The following TAF3 variants were observed in gnomAD, a reference collection of about 807,000 sequenced individuals.
TAF3 encodes transcription initiation factor TFIID subunit 3.
Under a neutral mutation model 80.6 loss-of-function variants are expected in TAF3, and 7 were observed. The observed-to-expected ratio is 0.09, with a 90% CI of 0.05 to 0.16. The LOEUF is 0.16. TAF3 is among the 10% of genes least tolerant of loss of function. The pLI, the probability that TAF3 is intolerant of heterozygous loss-of-function variation, is 1.00. For synonymous variants in TAF3, 444 were observed against 446.1 expected (o/e 1.00, Z 0.06); for missense variants, 921 against 1,140.2 (o/e 0.81, Z 2.77).
At position 8,015,910 on chromosome 10, in the gene TAF3, T is replaced by A. The variant is rs1832099885; in HGVS notation, c.*1159T>A. 6.6e-6 allele frequency: 1 copy of A among 151,974 alleles called. No homozygotes were observed. The highest frequency in any genetic ancestry group is 2.4e-5 in the African/African-American group (1 of 41,418). The allele number at this position is 151,974 out of a possible 1,614,324, so 9.4% of individuals were successfully genotyped here. ...TATACTGTAGCATTTTGTCTTTATA[T>A]TGTTTTATTTCTACAAATCTGTTCA... is the stretch of plus-strand genomic sequence containing the variant. On this transcript the variant is annotated 3_prime_UTR_variant, in exon 7 of 7. Coordinates refer to ENST00000344293, the MANE Select transcript of TAF3 (RefSeq NM_031923.4).
intron 4 of TAF3, among the ~76,000 whole-genome samples, chr10:7,983,416 C>A (rs1831745738): frequency 6.6e-6 from 1 of 152,146 alleles, no homozygotes; most frequent in Admixed American, 6.6e-5. Context: ...CCTGGGGAGG[C>A]AGGGCAAAGA....
intron 4 of TAF3, among the ~76,000 whole-genome samples, chr10:7,984,499 A>G (rs964711186): frequency 6.6e-6 from 1 of 152,200 alleles, no homozygotes; most frequent in Non-Finnish European, 1.5e-5. Context: ...TGTTCTTTAA[A>G]TGAATAAAAG....
At position 7,883,036 on chromosome 10, in the gene TAF3, A is replaced by T. The variant is rs553355388; in HGVS notation, c.409+58476A>T. 1.3e-4 allele frequency among the ~76,000 whole-genome samples: 20 copies of T among 152,322 alleles called. No individual in the cohort carries two copies. In the South Asian group the frequency reaches 3.9e-3, roughly 30 times the overall value. On this transcript the variant is annotated intron_variant, in intron 2 of 6. Transcript: ENST00000344293. ...TAAAAGTGAGTGGCTTCTCATATGT[A>T]ACAGAACAGTTATCAAAATAAGGAA...
intron 2 of TAF3, among the ~76,000 whole-genome samples, chr10:7,908,623 G>A (rs1272788175): frequency 2.0e-5 from 3 of 152,168 alleles, no homozygotes; most frequent in Admixed American, 2.0e-4. Flanking sequence ...GTAGCACAGA[G>A]CTTTATCTGT....
chr10:7,953,710 C>T (rs1484719763), intron 2 of TAF3, among the ~76,000 whole-genome samples: 2 of 152,222 alleles, frequency 1.3e-5, no homozygotes. Context: ...CCAATCATGT[C>T]TTATTTGTCT....
intron 2 of TAF3, among the ~76,000 whole-genome samples, chr10:7,919,683 C>A (rs1046671078): frequency 3.9e-5 from 6 of 152,174 alleles, no homozygotes; most frequent in Non-Finnish European, 2.9e-5. Context: ...TACTTTAAAT[C>A]ATCTCTAGAT....
At chr10:7,841,284 C>T (rs1209636238) in intron 2 of TAF3, among the ~76,000 whole-genome samples, 1 of 152,232 alleles carries the variant, frequency 6.6e-6, no homozygotes, top group East Asian at 1.9e-4. Context: ...CGTCAAGGAG[C>T]TGTGGAGAGC....
At chr10:7,928,807 A>G (rs1475585485) in intron 2 of TAF3, among the ~76,000 whole-genome samples, 1 of 152,118 alleles carries the variant, frequency 6.6e-6, no homozygotes, top group African/African-American at 2.4e-5. Context: ...TTTCAGGTTC[A>G]GAGAGCTATA....
chr10:7,834,107 C>T (rs1352633496), intron 2 of TAF3: 1 of 167,010 alleles, frequency 6.0e-6, no homozygotes, highest in Non-Finnish European at 1.3e-5. Context: ...GCGTGAGCCC[C>T]TTGTCAGATG....
At chr10:7,943,294 T>C (rs1159298746) in intron 2 of TAF3, among the ~76,000 whole-genome samples, 1 of 152,204 alleles carries the variant, frequency 6.6e-6, no homozygotes, top group Non-Finnish European at 1.5e-5. Flanking sequence ...TTCTGCTTGC[T>C]CCTTAGCATT....
intron 2 of TAF3, among the ~76,000 whole-genome samples, chr10:7,963,708 A>G (rs893019334): frequency 6.6e-6 from 1 of 152,158 alleles, no homozygotes; most frequent in Non-Finnish European, 1.5e-5. Flanking sequence ...TACCTAATGT[A>G]AATGATGAGT....
At chr10:7,945,001 G>A (rs1219661491) in intron 2 of TAF3, among the ~76,000 whole-genome samples, 1 of 152,180 alleles carries the variant, frequency 6.6e-6, no homozygotes. Flanking sequence ...AATATGGGCA[G>A]CATGAAAACA....
intron 2 of TAF3, among the ~76,000 whole-genome samples, chr10:7,866,420 A>C (rs1288255276): frequency 6.6e-6 from 1 of 152,238 alleles, no homozygotes; most frequent in East Asian, 1.9e-4. Context: ...TTCTCTGAGA[A>C]GGGAGCACTT....
Position 8,009,626 on chromosome 10 carries a change from CT to C in TAF3, c.2568+308del, listed in dbSNP as rs1278793893. 1.2e-3 allele frequency among the ~76,000 whole-genome samples: 175 copies of C among 142,526 alleles called. No individual in the cohort carries two copies. The highest frequency in any genetic ancestry group is 3.8e-3 in the Middle Eastern group (1 of 264). The allele number at this position is 142,526 out of a possible 152,430, so 93.5% of individuals were successfully genotyped here. A position where few individuals can be genotyped will look rare whatever the true frequency, so the allele number is the denominator to read the frequency against. ...TGGCCAGACACGTTTCTTTTTTTTT[CT>C]TTTTTTTTTTTGAGACAGAGTTTCG... is the stretch of plus-strand genomic sequence containing the variant. On this transcript the variant is annotated intron_variant, in intron 5 of 6. Coordinates refer to ENST00000344293, the MANE Select transcript of TAF3 (RefSeq NM_031923.4). The surrounding 1 kb of genome is among the most constrained non-coding windows in gnomAD (Gnocchi z 4.1).
intron 2 of TAF3, among the ~76,000 whole-genome samples, chr10:7,909,808 A>G (rs1212079162): frequency 1.3e-5 from 2 of 152,168 alleles, no homozygotes; most frequent in African/African-American, 4.8e-5. Context: ...TTGAGCCTAT[A>G]ACATTGAAAC....
intron 2 of TAF3, among the ~76,000 whole-genome samples, chr10:7,853,775 C>T (rs927434529): frequency 3.3e-5 from 5 of 152,170 alleles, no homozygotes; most frequent in African/African-American, 1.2e-4. Flanking sequence ...GACTGTATAT[C>T]CCAAAAGCCT....
intron 2 of TAF3, among the ~76,000 whole-genome samples, chr10:7,878,690 A>T (rs956475728): frequency 6.8e-6 from 1 of 146,900 alleles, no homozygotes; most frequent in Non-Finnish European, 1.5e-5. Context: ...TAATTCAACC[A>T]ATGTATGTAT....
At chr10:7,894,518 C>G (rs564749323) in intron 2 of TAF3, among the ~76,000 whole-genome samples, 1 of 152,224 alleles carries the variant, frequency 6.6e-6, no homozygotes, top group East Asian at 1.9e-4. Flanking sequence ...GTGACTGGAC[C>G]TAGGTGGTTG....
At chr10:7,988,608 A>G (rs1444306414) in intron 4 of TAF3, among the ~76,000 whole-genome samples, 3 of 139,382 alleles carry the variant, frequency 2.2e-5, no homozygotes, top group Middle Eastern at 3.5e-3. Context: ...AAAAGAAGCC[A>G]GATATAATGG....
Sources: gnomAD v4.1 joint callset for allele counts (sites outside exome capture counted in the v4.1 genomes callset) on GRCh38, gnomAD v4.1.1 for gene constraint, Gnocchi (gnomAD v3.1) non-coding constraint, MANE v1.5 for transcripts, NCBI Gene and HGNC (gene_info 2026-07-23, HGNC 2026-07-21) for gene names.